Variants in ULK4 observed in about 807,000 individuals in gnomAD.
ULK4 encodes the protein inactive serine/threonine-protein kinase ULK4.
Under a neutral mutation model 160.6 loss-of-function variants are expected in ULK4, and 133 were observed. The ratio of observed to expected loss-of-function variants is 0.83; its 90% CI spans 0.72 to 0.96. The LOEUF is 0.96. Ranked by LOEUF, ULK4 falls within the 40% of genes least tolerant of loss-of-function variation. The probability of loss-of-function intolerance (pLI) is 0.00; values close to 1 mark genes in which losing one functional copy is unlikely to be tolerated. For synonymous variants in ULK4, 534 were observed against 539.8 expected (o/e 0.99, Z 0.15); for missense variants, 1,580 against 1,499.5 (o/e 1.05, Z -0.89).
intron 32 of ULK4, among the ~76,000 whole-genome samples, chr3:41,549,244 A>G (rs906002667): frequency 2.5e-4 from 38 of 152,162 alleles, no homozygotes; most frequent in African/African-American, 8.9e-4. Flanking sequence ...GAAACTAATG[A>G]TATTAAAGAG....
At chr3:41,771,708 C>A (rs570363021) in intron 21 of ULK4, among the ~76,000 whole-genome samples, 74 of 152,222 alleles carry the variant, frequency 4.9e-4, no homozygotes, top group African/African-American at 1.6e-3. Context: ...GAAAAAACGA[C>A]TGAAACTTCC....
intron 2 of ULK4, among the ~76,000 whole-genome samples, chr3:41,951,012 C>T (rs1208969342): frequency 1.3e-5 from 2 of 151,466 alleles, no homozygotes; most frequent in South Asian, 2.1e-4. Flanking sequence ...GGCATGGTGG[C>T]GGGCGCCTGT....
chr3:41,326,652 A>G (rs1460286161), intron 35 of ULK4, among the ~76,000 whole-genome samples: 4 of 152,162 alleles, frequency 2.6e-5, no homozygotes, highest in Admixed American at 2.6e-4. Flanking sequence ...TTTGGCAGTC[A>G]TGTGTAAAGT....
At chr3:41,618,240 T>G (rs573815438) in intron 30 of ULK4, among the ~76,000 whole-genome samples, 2 of 152,102 alleles carry the variant, frequency 1.3e-5, no homozygotes, top group African/African-American at 4.8e-5. Context: ...CATAGCAAGA[T>G]AGGCCAACAT....
intron 35 of ULK4, among the ~76,000 whole-genome samples, chr3:41,263,265 G>A (rs187902744): frequency 3.2e-4 from 49 of 152,284 alleles, no homozygotes; most frequent in African/African-American, 1.0e-3. Context: ...GCTATATGGG[G>A]TCATAGTGAG....
rs182592664 is a variant in ULK4 at position 41,803,166 on chromosome 3, C to T, written c.1849-2873G>A. Among the ~76,000 whole-genome samples the T allele has an allele frequency of 9.2e-3, 841 of 91,244 alleles. 6 individuals carry two copies. Among genetic ancestry groups the T allele is most frequent in the Non-Finnish European group, 0.011 (590 of 51,318 alleles). The allele number at this position is 91,244 out of a possible 152,430, so 59.9% of individuals were successfully genotyped here. A position where few individuals can be genotyped will look rare whatever the true frequency, so the allele number is the denominator to read the frequency against. On this transcript the variant is annotated intron_variant, in intron 19 of 36. Coordinates refer to ENST00000301831, the MANE Select transcript of ULK4 (RefSeq NM_017886.4). ...AGCCTGGGCTTACAGAGCAAGACTC[C>T]ATCTCAAAAAAAAAAAGATTTGTAA...
intron 31 of ULK4, among the ~76,000 whole-genome samples, chr3:41,571,632 G>T (rs890766906): frequency 1.3e-5 from 2 of 152,192 alleles, no homozygotes; most frequent in African/African-American, 4.8e-5. Context: ...GGGCACGCAT[G>T]TTTCGTTCAA....
intron 35 of ULK4, among the ~76,000 whole-genome samples, chr3:41,273,201 T>C (rs1196490340): frequency 1.3e-5 from 2 of 152,248 alleles, no homozygotes; most frequent in Non-Finnish European, 2.9e-5. Flanking sequence ...GCTGAATTAC[T>C]AGAAACATTT....
intron 18 of ULK4, among the ~76,000 whole-genome samples, chr3:41,832,497 T>A (rs893841358): frequency 5.9e-5 from 9 of 152,214 alleles, no homozygotes; most frequent in Non-Finnish European, 1.2e-4. Flanking sequence ...GCTGTCTGTT[T>A]ACTCTGATGC....
intron 29 of ULK4, among the ~76,000 whole-genome samples, chr3:41,665,432 G>A (rs1427652344): frequency 2.0e-5 from 3 of 152,134 alleles, no homozygotes; most frequent in African/African-American, 4.8e-5. Flanking sequence ...ATACTCAAAT[G>A]GGACCTGAGA....
chr3:41,891,637 T>G lies in ULK4; in HGVS notation c.1577+3881A>C, dbSNP rs1211974333. Among the ~76,000 whole-genome samples, 3 of 152,248 alleles carry G rather than the reference T, an allele frequency of 2.0e-5. No individual in the cohort carries two copies. In the East Asian group the frequency reaches 5.8e-4, roughly 29 times the overall value. On this transcript the variant is annotated intron_variant, in intron 16 of 36. Coordinates refer to ENST00000301831, the MANE Select transcript of ULK4 (RefSeq NM_017886.4). ...AAAAAATACTAACAGCCAGGCGCGG[T>G]GGCTCATGCCTATAATCCCAGCACT...
chr3:41,831,531 A>ATT (rs1553666744), intron 18 of ULK4, among the ~76,000 whole-genome samples: 1 of 138,066 alleles, frequency 7.2e-6, no homozygotes, highest in Non-Finnish European at 1.5e-5. Context: ...ATATATATAT[A>ATT]TTTTTTTTTC....
rs118079934 is a variant in ULK4 at position 41,397,321 on chromosome 3, C to A, written c.3678+758G>T. 1.5e-3 allele frequency among the ~76,000 whole-genome samples: 226 copies of A among 152,216 alleles called. 4 individuals are homozygous for A. In the East Asian group the frequency reaches 0.035, roughly 23 times the overall value. ...GAAAGTTTTTCCTTACAGTGGAATG[C>A]TGGGAGTTATAAATGTTGGGGATGA... On this transcript the variant is annotated intron_variant, in intron 35 of 36. Transcript: ENST00000301831.
chr3:41,751,854 G>A (rs1207706544), intron 22 of ULK4, among the ~76,000 whole-genome samples: 1 of 152,198 alleles, frequency 6.6e-6, no homozygotes, highest in Non-Finnish European at 1.5e-5. Flanking sequence ...ACAGGAAACA[G>A]CAACCAAGAA....
chr3:41,619,408 A>G (rs1005704008), intron 30 of ULK4, among the ~76,000 whole-genome samples: 2 of 152,208 alleles, frequency 1.3e-5, no homozygotes, highest in African/African-American at 4.8e-5. Flanking sequence ...AAAGAATGGA[A>G]ATCATAACAA....
At chr3:41,922,404 T>C (rs527884491) in intron 5 of ULK4, among the ~76,000 whole-genome samples, 2 of 152,070 alleles carry the variant, frequency 1.3e-5, no homozygotes, top group South Asian at 4.2e-4. Context: ...GGGGAATCGC[T>C]TCAGTCCAGG....
At chr3:41,278,293 G>C (rs982130731) in intron 35 of ULK4, 5 of 152,440 alleles carry the variant, frequency 3.3e-5, no homozygotes, top group South Asian at 2.1e-4. Flanking sequence ...GGGCCAGGAA[G>C]TGCGAACTGG....
intron 35 of ULK4, among the ~76,000 whole-genome samples, chr3:41,307,193 G>A (rs549657431): frequency 6.6e-6 from 1 of 151,704 alleles, no homozygotes; most frequent in Non-Finnish European, 1.5e-5. Flanking sequence ...GACAGTGAGT[G>A]AAGGTGCAGC....
At chr3:41,827,309 C>G (rs2041396398) in intron 18 of ULK4, among the ~76,000 whole-genome samples, 1 of 151,444 alleles carries the variant, frequency 6.6e-6, no homozygotes, top group South Asian at 2.1e-4. Context: ...TAACTAAGAT[C>G]AGAGCAGAAC....
Sources: allele counts gnomAD v4.1 joint callset (sites outside exome capture counted in the v4.1 genomes callset), GRCh38; gene constraint gnomAD v4.1.1; transcripts MANE v1.5; gene names NCBI Gene and HGNC (gene_info 2026-07-23, HGNC 2026-07-21).